Variants in GULP1 observed in about 807,000 individuals in gnomAD.
The protein encoded by GULP1 is GULP PTB domain containing engulfment adaptor 1, also known as PTB domain-containing engulfment adapter protein 1.
A neutral mutation model predicts 40.9 loss-of-function variants in GULP1; 19 were observed. The observed-to-expected ratio is 0.46, with a 90% CI of 0.32 to 0.68. The LOEUF (loss-of-function observed/expected upper bound fraction) is 0.68. GULP1 is among the 30% of genes least tolerant of loss of function. The probability of loss-of-function intolerance (pLI) is 0.03; values close to 1 mark genes in which losing one functional copy is unlikely to be tolerated. For synonymous variants in GULP1, 119 were observed against 117.6 expected (o/e 1.01, Z -0.08); for missense variants, 312 against 362.2 (o/e 0.86, Z 1.12).
chr2:188,355,459 A>G (rs2045156483), intron 1 of GULP1, among the ~76,000 whole-genome samples: 1 of 152,056 alleles, frequency 6.6e-6, no homozygotes, highest in Admixed American at 6.6e-5. Flanking sequence ...GAGAATATAG[A>G]ATCTATCAAG....
At chr2:188,417,994 T>G (rs2054815672) in intron 2 of GULP1, among the ~76,000 whole-genome samples, 2 of 152,056 alleles carry the variant, frequency 1.3e-5, no homozygotes, top group South Asian at 4.1e-4. Context: ...GTTTTGTTTT[T>G]TTAGAGACAG....
chr2:188,445,546 T>C (rs1188777047), intron 2 of GULP1, among the ~76,000 whole-genome samples: 2 of 152,172 alleles, frequency 1.3e-5, no homozygotes, highest in African/African-American at 4.8e-5. Context: ...GACCTCATCA[T>C]GTCTCTTATA....
intron 2 of GULP1, among the ~76,000 whole-genome samples, chr2:188,444,327 G>A (rs1350258425): frequency 6.6e-6 from 1 of 152,000 alleles, no homozygotes; most frequent in African/African-American, 2.4e-5. Context: ...TTAAGTAGCT[G>A]GATTTAGTGA....
At chr2:188,367,941 G>C (rs1176053948) in intron 1 of GULP1, among the ~76,000 whole-genome samples, 1 of 152,086 alleles carries the variant, frequency 6.6e-6, no homozygotes, top group Non-Finnish European at 1.5e-5. Flanking sequence ...TGCTCTGTGA[G>C]CACACTTATA....
intron 2 of GULP1, among the ~76,000 whole-genome samples, chr2:188,400,426 A>C (rs929513301): frequency 6.6e-6 from 1 of 152,172 alleles, no homozygotes; most frequent in Admixed American, 6.5e-5. Flanking sequence ...TTGAACTACC[A>C]TAGTGGGGTA....
chr2:188,415,197 G>A (rs1283061804), intron 2 of GULP1, among the ~76,000 whole-genome samples: 1 of 152,092 alleles, frequency 6.6e-6, no homozygotes, highest in Non-Finnish European at 1.5e-5. Context: ...GCTAGAGAAA[G>A]GGGTGCATTT....
chr2:188,424,368 C>T (rs997135969), intron 2 of GULP1, among the ~76,000 whole-genome samples: 7 of 151,716 alleles, frequency 4.6e-5, no homozygotes, highest in South Asian at 2.1e-4. Flanking sequence ...AGTAGTGTAA[C>T]GAGGCCTCAT....
At chr2:188,342,621 G>A (rs183881166) in intron 1 of GULP1, among the ~76,000 whole-genome samples, 18 of 152,260 alleles carry the variant, frequency 1.2e-4, no homozygotes, top group South Asian at 4.1e-4. Context: ...ACAGATGAGA[G>A]AATACAATAC....
intron 1 of GULP1, among the ~76,000 whole-genome samples, chr2:188,333,568 T>C (rs2041900472): frequency 6.6e-6 from 1 of 152,172 alleles, no homozygotes; most frequent in African/African-American, 2.4e-5. Context: ...AAACTATTAA[T>C]CTTAGCTTAA....
chr2:188,314,587 A>G (rs1460644571), intron 1 of GULP1, among the ~76,000 whole-genome samples: 6 of 152,108 alleles, frequency 3.9e-5, no homozygotes, highest in Non-Finnish European at 8.8e-5. Flanking sequence ...TAATAAAACT[A>G]ACTTTGTAAA....
chr2:188,420,345 T>G (rs1386455726), intron 2 of GULP1, among the ~76,000 whole-genome samples: 1 of 152,222 alleles, frequency 6.6e-6, no homozygotes, highest in Non-Finnish European at 1.5e-5. Context: ...TATCATAATT[T>G]CTTTTATCAG....
chr2:188,534,749 A>G (rs1172002308), intron 6 of GULP1, among the ~76,000 whole-genome samples: 6 of 152,098 alleles, frequency 3.9e-5, no homozygotes, highest in African/African-American at 9.7e-5. Flanking sequence ...GCGGAAAATC[A>G]TATTTTCAGG....
chr2:188,358,611 A>T (rs2045680975), intron 1 of GULP1, among the ~76,000 whole-genome samples: 1 of 152,176 alleles, frequency 6.6e-6, no homozygotes, highest in African/African-American at 2.4e-5. Flanking sequence ...ATTGCACCCC[A>T]TAAATATGTA....
intron 2 of GULP1, among the ~76,000 whole-genome samples, chr2:188,412,000 A>T (rs924288045): frequency 3.9e-5 from 6 of 152,180 alleles, no homozygotes; most frequent in Non-Finnish European, 8.8e-5. Context: ...CCGTGAGGCC[A>T]TCAGTGCAGG....
At chr2:188,375,051 T>C (rs139127773) in intron 1 of GULP1, among the ~76,000 whole-genome samples, 1 of 152,326 alleles carries the variant, frequency 6.6e-6, no homozygotes, top group Non-Finnish European at 1.5e-5. Flanking sequence ...CCAATCATCA[T>C]ATAAAATATT....
chr2:188,293,937 T>A (rs1487924217), intron 1 of GULP1: 1 of 152,224 alleles, frequency 6.6e-6, no homozygotes, highest in Non-Finnish European at 1.5e-5. Flanking sequence ...TGAGAATTTT[T>A]AGGTGGCTAA....
intron 1 of GULP1, among the ~76,000 whole-genome samples, chr2:188,350,658 T>C (rs76268323): frequency 6.6e-6 from 1 of 151,026 alleles, no homozygotes; most frequent in Non-Finnish European, 1.5e-5. Context: ...TGTGGATGGC[T>C]TTTTTTTTCT....
chr2:188,524,734 TA>T (rs34980657), intron 5 of GULP1, among the ~76,000 whole-genome samples: 3 of 149,414 alleles, frequency 2.0e-5, no homozygotes, highest in African/African-American at 2.4e-5. Context: ...GTGGCTCTAC[TA>T]AAAAAAAAGA....
intron 2 of GULP1, among the ~76,000 whole-genome samples, chr2:188,441,588 A>G (rs1489098088): frequency 5.3e-5 from 8 of 152,198 alleles, no homozygotes; most frequent in Admixed American, 1.3e-4. Context: ...TCAAATGCCT[A>G]GCCACAGTGA....
Sources: allele counts gnomAD v4.1 joint callset (sites outside exome capture counted in the v4.1 genomes callset), GRCh38; gene constraint gnomAD v4.1.1; transcripts MANE v1.5; gene names NCBI Gene and HGNC (gene_info 2026-07-23, HGNC 2026-07-21).